LYN: variants seen among roughly 807,000 people sequenced by gnomAD.
LYN encodes the protein tyrosine-protein kinase Lyn.
In LYN, 12 loss-of-function variants were observed where a neutral mutation model predicts 65.0. The observed-to-expected ratio is 0.18, with a 90% CI of 0.12 to 0.30. The LOEUF (loss-of-function observed/expected upper bound fraction) is 0.30, where lower values mean the gene tolerates loss of function less well. LYN is among the 10% of genes least tolerant of loss of function. The pLI, the probability that LYN is intolerant of heterozygous loss-of-function variation, is 1.00. For missense variants in LYN, 380 were observed against 623.2 expected (o/e 0.61, Z 4.16); for synonymous variants, 222 against 221.2 (o/e 1.00, Z -0.03).
chr8:55,934,308 C>T (rs1381658656), intron 1 of LYN, among the ~76,000 whole-genome samples: 2 of 152,346 alleles, frequency 1.3e-5, no homozygotes, highest in East Asian at 1.9e-4. Flanking sequence ...AGTTTGCCAA[C>T]AGGGTTTGAA....
chr8:55,908,394 C>T (rs531991433), intron 1 of LYN, among the ~76,000 whole-genome samples: 1 of 151,658 alleles, frequency 6.6e-6, no homozygotes, highest in Admixed American at 6.6e-5. Context: ...ACAGGCACCC[C>T]CCACCGCGAC....
chr8:55,933,570 A>C (rs1005277130), intron 1 of LYN, among the ~76,000 whole-genome samples: 2 of 152,206 alleles, frequency 1.3e-5, no homozygotes, highest in African/African-American at 4.8e-5. Flanking sequence ...TTATCCTCTC[A>C]TGCCAAGCCC....
Position 55,999,450 on chromosome 8 carries a change from G to C in LYN, c.1237G>C (p.Glu413Gln), listed in dbSNP as rs1808458817. Residue 413 changes from glutamate (E) to glutamine (Q), a missense_variant, in exon 12 of 13, where the codon GAA (glutamate) becomes CAA (glutamine). Coordinates refer to ENST00000519728, the MANE Select transcript of LYN (RefSeq NM_002350.4). Reference protein sequence around the residue: ...AKFPIKWTAPEAINFGCFTIK... With the variant: ...AKFPIKWTAPQAINFGCFTIK... ...GTTCCCTATTAAGTGGACGGCTCCA[G>C]AAGCAATCAACTTTGGATGTTTCAC... 1 of 1,613,882 alleles carries C rather than the reference G, an allele frequency of 6.2e-7. No homozygotes were observed. The highest frequency in any genetic ancestry group is 1.3e-5 in the African/African-American group (1 of 74,912).
chr8:55,938,573 G>A (rs769428114), intron 1 of LYN, among the ~76,000 whole-genome samples: 1 of 152,152 alleles, frequency 6.6e-6, no homozygotes, highest in African/African-American at 2.4e-5. Flanking sequence ...CAGCAGACCT[G>A]TTCCCTACAA....
rs967420162 is a variant in LYN, at chr8:56,014,089, C to T, written c.*3979C>T. 2.6e-5 allele frequency: 4 copies of T among 152,186 alleles called. No individual in the cohort carries two copies. The highest frequency in any genetic ancestry group is 4.8e-5 in the African/African-American group (2 of 41,444). 9.4% of individuals were successfully genotyped at this position (152,186 alleles called of 1,614,324 possible). On this transcript the variant is annotated 3_prime_UTR_variant, in exon 13 of 13. Coordinates refer to ENST00000519728, the MANE Select transcript of LYN (RefSeq NM_002350.4). Reference sequence around the variant, plus strand: ...TATCACTATTTCACAGCTGAGAGATCGGGAGCATTTAAAGCCACAGAAGGA... The same window carrying T: ...TATCACTATTTCACAGCTGAGAGATTGGGAGCATTTAAAGCCACAGAAGGA...
intron 12 of LYN, among the ~76,000 whole-genome samples, chr8:56,007,083 G>A (rs1401396466): frequency 6.6e-6 from 1 of 152,212 alleles, no homozygotes; most frequent in East Asian, 1.9e-4. Context: ...AAAATCTGCT[G>A]TGGGGCTAGG....
intron 10 of LYN, among the ~76,000 whole-genome samples, chr8:55,997,159 C>CAA (rs11412762): frequency 7.9e-4 from 79 of 100,456 alleles, no homozygotes; most frequent in African/African-American, 1.1e-3. Flanking sequence ...GAGACTGTCT[C>CAA]AAAAAAAAAA....
intron 1 of LYN, among the ~76,000 whole-genome samples, chr8:55,917,109 G>A (rs1267459211): frequency 6.6e-6 from 1 of 151,626 alleles, no homozygotes; most frequent in Non-Finnish European, 1.5e-5. Flanking sequence ...CCCAGGAGAC[G>A]AGGCTGCAGT....
At chr8:55,917,629 C>T (rs1459844449) in intron 1 of LYN, among the ~76,000 whole-genome samples, 2 of 152,222 alleles carry the variant, frequency 1.3e-5, no homozygotes, top group Non-Finnish European at 2.9e-5. Flanking sequence ...AAGTAAGCTC[C>T]TACTGGGTGT....
At chr8:55,932,798 AATC>A (rs1806307403) in intron 1 of LYN, among the ~76,000 whole-genome samples, 1 of 152,212 alleles carries the variant, frequency 6.6e-6, no homozygotes, top group South Asian at 2.1e-4. Context: ...TAAAAAATGA[AATC>A]ATGTCCTGGG....
At chr8:55,903,158 A>G (rs1184932169) in intron 1 of LYN, among the ~76,000 whole-genome samples, 1 of 151,490 alleles carries the variant, frequency 6.6e-6, no homozygotes, top group Non-Finnish European at 1.5e-5. Flanking sequence ...ACGCCCAGCT[A>G]ATTTTTATAT....
chr8:55,916,159 G>GA (rs1463104783), intron 1 of LYN, among the ~76,000 whole-genome samples: 1 of 152,012 alleles, frequency 6.6e-6, no homozygotes, highest in African/African-American at 2.4e-5. Flanking sequence ...TAAATCTTCA[G>GA]AAAAAATTTT....
intron 4 of LYN, among the ~76,000 whole-genome samples, chr8:55,948,847 T>G (rs1806857517): frequency 6.6e-6 from 1 of 152,182 alleles, no homozygotes; most frequent in African/African-American, 2.4e-5. Context: ...ACCTAGATCA[T>G]GGGGTTGATG....
chr8:55,991,572 A>G (rs1314755975), intron 10 of LYN, among the ~76,000 whole-genome samples: 2 of 152,192 alleles, frequency 1.3e-5, no homozygotes, highest in African/African-American at 2.4e-5. Context: ...ATTGTGTACA[A>G]GATGCCAAGA....
chr8:55,953,017 A>G (rs1806995816), intron 7 of LYN, among the ~76,000 whole-genome samples: 1 of 152,078 alleles, frequency 6.6e-6, no homozygotes. Flanking sequence ...TGCACATTAT[A>G]GGTTTGCTTG....
At chr8:55,997,244 G>T (rs1231372389) in intron 10 of LYN, among the ~76,000 whole-genome samples, 2 of 151,910 alleles carry the variant, frequency 1.3e-5, no homozygotes, top group East Asian at 3.9e-4. Context: ...TCCATGGGCT[G>T]TTGATTAACC....
Position 55,946,434 on chromosome 8 carries a change from A to AT in LYN, c.133-13dup. 1 of 1,591,912 alleles carries AT rather than the reference A, an allele frequency of 6.3e-7. No homozygotes were observed. The highest frequency in any genetic ancestry group is 8.6e-7 in the Non-Finnish European group (1 of 1,161,526). ...TAAACAGAATTTTTTTTTCTAACAA[A>AT]TATTCTCTCGTAGGTTCCAGAATCT... On this transcript the variant is annotated splice_polypyrimidine_tract_variant and intron_variant, in intron 2 of 12. Transcript: ENST00000519728.
chr8:55,882,037 G>C (rs1305011909), intron 1 of LYN, among the ~76,000 whole-genome samples: 1 of 152,154 alleles, frequency 6.6e-6, no homozygotes, highest in Admixed American at 6.5e-5. Context: ...TTCTAAAACG[G>C]GGATTTGAGA....
intron 8 of LYN, among the ~76,000 whole-genome samples, chr8:55,959,032 G>T (rs57977675): frequency 5.1e-4 from 77 of 152,284 alleles, no homozygotes; most frequent in African/African-American, 1.7e-3. Flanking sequence ...AGGAACTGCC[G>T]TACTGTTTTC....
Sources: gnomAD v4.1 joint callset for allele counts (sites outside exome capture counted in the v4.1 genomes callset) on GRCh38, gnomAD v4.1.1 for gene constraint, MANE v1.5 for transcripts, NCBI Gene and HGNC (gene_info 2026-07-23, HGNC 2026-07-21) for gene names.